Variants in ALK observed in about 807,000 individuals in gnomAD.
ALK encodes ALK receptor tyrosine kinase.
ALK carries 74 observed loss-of-function variants against 163.1 expected under a neutral mutation model. The ratio of observed to expected loss-of-function variants is 0.45; its 90% CI spans 0.38 to 0.55. The LOEUF (loss-of-function observed/expected upper bound fraction) is 0.55, where lower values mean the gene tolerates loss of function less well. Ranked by LOEUF, ALK falls within the 20% of genes least tolerant of loss-of-function variation. The pLI is 0.00. For missense variants in ALK, 2,063 were observed against 2,105.3 expected, an observed-to-expected ratio of 0.98 and a Z score of 0.39; for synonymous variants, 960 against 843.2, an observed-to-expected ratio of 1.14 and a Z score of -2.40.
At chr2:29,408,200 A>G (rs1353540518) in intron 4 of ALK, among the ~76,000 whole-genome samples, 3 of 150,856 alleles carry the variant, frequency 2.0e-5, no homozygotes, top group African/African-American at 7.3e-5. Context: ...CTCCTGCCTC[A>G]GCCTCTCGAG....
intron 9 of ALK, among the ~76,000 whole-genome samples, chr2:29,283,712 ATC>A (rs909502437): frequency 2.0e-5 from 3 of 152,170 alleles, no homozygotes; most frequent in African/African-American, 7.2e-5. Context: ...TTTTAAAAGA[ATC>A]TATGTAAGAT....
chr2:29,293,249 A>G (rs557848072), intron 9 of ALK, among the ~76,000 whole-genome samples: 29 of 152,350 alleles, frequency 1.9e-4, no homozygotes, highest in Non-Finnish European at 3.7e-4. Flanking sequence ...GATTCCATCA[A>G]GTGAAATTCT....
At chr2:29,691,265 C>T (rs149073744) in intron 3 of ALK, among the ~76,000 whole-genome samples, 98 of 152,318 alleles carry the variant, frequency 6.4e-4, no homozygotes, top group African/African-American at 2.2e-3. Flanking sequence ...TCCTCATTTC[C>T]GTGACTGATC....
chr2:29,688,880 T>C (rs1034591196), intron 3 of ALK, among the ~76,000 whole-genome samples: 1 of 152,162 alleles, frequency 6.6e-6, no homozygotes, highest in Admixed American at 6.6e-5. Context: ...CGAGATGAAC[T>C]TCAGGGTGGC....
At chr2:29,604,872 G>A (rs904280364) in intron 3 of ALK, among the ~76,000 whole-genome samples, 1 of 152,174 alleles carries the variant, frequency 6.6e-6, no homozygotes, top group African/African-American at 2.4e-5. Flanking sequence ...GCTATACAAA[G>A]GTGGCATTGG....
chr2:29,238,555 T>C (rs1448664395), intron 13 of ALK, among the ~76,000 whole-genome samples: 2 of 152,190 alleles, frequency 1.3e-5, no homozygotes, highest in Admixed American at 6.5e-5. Context: ...CTAGACACCA[T>C]TTTTTCTGCC....
chr2:29,854,215 A>G (rs1294009430), intron 1 of ALK, among the ~76,000 whole-genome samples: 1 of 131,998 alleles, frequency 7.6e-6, no homozygotes, highest in Non-Finnish European at 1.7e-5. Flanking sequence ...TTCTATTTGT[A>G]TATGGATTAA....
intron 3 of ALK, among the ~76,000 whole-genome samples, chr2:29,574,427 T>C (rs1360704137): frequency 6.6e-6 from 1 of 152,244 alleles, no homozygotes; most frequent in Non-Finnish European, 1.5e-5. Context: ...TCTCTGCTTT[T>C]GATTTTAAGC....
intron 1 of ALK, among the ~76,000 whole-genome samples, chr2:29,821,235 T>A (rs944549929): frequency 6.6e-6 from 1 of 151,910 alleles, no homozygotes; most frequent in African/African-American, 2.4e-5. Flanking sequence ...CAACCACCCA[T>A]CTTCTCCTAC....
At chr2:29,587,484 C>G (rs6753992) in intron 3 of ALK, among the ~76,000 whole-genome samples, 2,298 of 152,300 alleles carry the variant, frequency 0.015, 50 homozygotes, top group African/African-American at 0.053. Context: ...TTGTTTTCCC[C>G]CCTGAGGTGA....
rs2148137192 is a variant in ALK, at chr2:29,193,322, G to C, written c.4765C>G (p.Gln1589Glu). ...GTAGCGGCTTCTAAGGGCAAGCCCT[G>C]TTGCTGGTAGCCGTAATTGACATTC... Reference protein sequence around the residue: ...CGNVNYGYQQQGLPLEAATAP... With the variant: ...CGNVNYGYQQEGLPLEAATAP... Residue 1589 changes from glutamine (Q) to glutamate (E), a missense_variant, in exon 29 of 29, where the codon CAG (glutamine) becomes GAG (glutamate). By Grantham distance (29) the Gln-to-Glu change is conservative (BLOSUM62 2). Transcript: ENST00000389048. The C allele has an allele frequency of 6.2e-7, 1 of 1,614,196 alleles. No homozygotes were observed. Among genetic ancestry groups the C allele is most frequent in the Non-Finnish European group, 8.5e-7 (1 of 1,180,026 alleles).
chr2:29,883,139 A>ATTCTCTATCAATAT (rs1666907090), intron 1 of ALK, among the ~76,000 whole-genome samples: 1 of 150,922 alleles, frequency 6.6e-6, no homozygotes. Flanking sequence ...AAAAGAAAAA[A>ATTCTCTATCAATAT]AGAAAAAGAA....
chr2:29,201,819 C>T (rs1031975366), intron 26 of ALK, among the ~76,000 whole-genome samples: 19 of 151,778 alleles, frequency 1.3e-4, no homozygotes, highest in South Asian at 4.2e-4. Context: ...GACTACTTTG[C>T]GCTACCTCCA....
chr2:29,813,195 C>T (rs1664800708), intron 1 of ALK, among the ~76,000 whole-genome samples: 1 of 152,206 alleles, frequency 6.6e-6, no homozygotes, highest in African/African-American at 2.4e-5. Flanking sequence ...ACATTCATGC[C>T]TTTCTCCAGC....
rs1666562586 is a variant in ALK, at chr2:29,870,963, T to C, written c.667+49030A>G. On this transcript the variant is annotated intron_variant, in intron 1 of 28. Transcript: ENST00000389048. The stretch of plus-strand genomic sequence containing the variant: ...GGTCATGCAGGATCACAGGGCAGCT[T>C]AGCTAACCTCTTTTGGAGGAAAGTG... Among the ~76,000 whole-genome samples, 3 of 152,170 alleles carry C rather than the reference T, an allele frequency of 2.0e-5. No individual in the cohort carries two copies. In the South Asian group the frequency reaches 6.2e-4, roughly 32 times the overall value.
chr2:29,523,884 T>TGA (rs1672882795), intron 4 of ALK, among the ~76,000 whole-genome samples: 6 of 75,244 alleles, frequency 8.0e-5, no homozygotes, highest in Non-Finnish European at 1.6e-4. Flanking sequence ...TTTTTTTTTT[T>TGA]TTTTTTTATG....
At chr2:29,743,095 G>A (rs1680105659) in intron 1 of ALK, among the ~76,000 whole-genome samples, 1 of 152,176 alleles carries the variant, frequency 6.6e-6, no homozygotes, top group African/African-American at 2.4e-5. Context: ...TGGGCTCTTG[G>A]TATTTACTTT....
chr2:29,798,022 CTTG>C (rs10582918), intron 1 of ALK, among the ~76,000 whole-genome samples: 333 of 152,256 alleles, frequency 2.2e-3, no homozygotes, highest in African/African-American at 7.6e-3. Context: ...TGCCTGCAGG[CTTG>C]TGACCAGGTA....
At chr2:29,495,207 C>T (rs1471937096) in intron 4 of ALK, among the ~76,000 whole-genome samples, 1 of 152,174 alleles carries the variant, frequency 6.6e-6, no homozygotes, top group East Asian at 1.9e-4. Flanking sequence ...TCCTTCCCTG[C>T]CTGCTTCGTG....
Sources: gnomAD v4.1 joint callset for allele counts (sites outside exome capture counted in the v4.1 genomes callset) on GRCh38, gnomAD v4.1.1 for gene constraint, MANE v1.5 for transcripts, NCBI Gene and HGNC (gene_info 2026-07-23, HGNC 2026-07-21) for gene names.